MYO1H: variants seen among roughly 807,000 people sequenced by gnomAD.
MYO1H encodes unconventional myosin-Ih.
MYO1H carries 118 observed loss-of-function variants against 149.3 expected under a neutral mutation model. That is an observed-to-expected ratio of 0.79 (90% confidence interval 0.68 to 0.92). The LOEUF (loss-of-function observed/expected upper bound fraction) is 0.92, where lower values mean the gene tolerates loss of function less well. Ranked by LOEUF, MYO1H falls within the 40% of genes least tolerant of loss-of-function variation. The pLI, the probability that MYO1H is intolerant of heterozygous loss-of-function variation, is 0.00. For missense variants in MYO1H, 1,212 were observed against 1,280.7 expected (o/e 0.95, Z 0.82); for synonymous variants, 447 against 465.2 (o/e 0.96, Z 0.50).
intron 1 of MYO1H, among the ~76,000 whole-genome samples, chr12:109,368,227 A>T (rs1868909042): frequency 6.6e-6 from 1 of 152,256 alleles, no homozygotes. Flanking sequence ...CAAGGACAGG[A>T]ATATCTTTCT....
chr12:109,384,052 C>G (rs760404361), intron 1 of MYO1H, among the ~76,000 whole-genome samples: 1 of 152,216 alleles, frequency 6.6e-6, no homozygotes, highest in African/African-American at 2.4e-5. Context: ...TACGACAGGA[C>G]TGGGTATGTA....
At chr12:109,361,960 G>A (rs1454054322) in intron 1 of MYO1H, among the ~76,000 whole-genome samples, 3 of 152,134 alleles carry the variant, frequency 2.0e-5, no homozygotes, top group African/African-American at 7.2e-5. Flanking sequence ...AATTGAGTCA[G>A]TAACAGAAAA....
exon 2 of MYO1H, chr12:109,388,810 A>G (rs1869505963): frequency 1.2e-6 from 2 of 1,612,054 alleles, no homozygotes; most frequent in Non-Finnish European, 1.7e-6. Flanking sequence ...TTTGTCGACA[A>G]CCTCCGCAAG....
At chr12:109,363,575 G>A (rs968554732) in intron 1 of MYO1H, among the ~76,000 whole-genome samples, 13 of 152,172 alleles carry the variant, frequency 8.5e-5, no homozygotes, top group Admixed American at 2.0e-4. Context: ...AGCTGCGTAC[G>A]GTGGTGCATG....
the MYO1H span, among the ~76,000 whole-genome samples, chr12:109,339,290 G>A: frequency 1.3e-5 from 2 of 152,094 alleles, no homozygotes; most frequent in Non-Finnish European, 2.9e-5. Flanking sequence ...GCTTGAATGC[G>A]GAAGGTGGAG....
chr12:109,320,949 A>G, the MYO1H span, among the ~76,000 whole-genome samples: 1 of 150,712 alleles, frequency 6.6e-6, no homozygotes, highest in Admixed American at 6.6e-5. Context: ...TTAGCTGGGC[A>G]TGGCGGCGGG....
chr12:109,356,306 A>G (rs1321262087), intron 1 of MYO1H, among the ~76,000 whole-genome samples: 3 of 152,186 alleles, frequency 2.0e-5, no homozygotes, highest in Non-Finnish European at 4.4e-5. Context: ...AGACCATGAA[A>G]TATCTTTTGT....
chr12:109,437,916 C>A (rs923936845), intron 22 of MYO1H, among the ~76,000 whole-genome samples: 1 of 150,644 alleles, frequency 6.6e-6, no homozygotes. Flanking sequence ...GGCGAAACCC[C>A]GTCTCTACTA....
At position 109,396,336 on chromosome 12, in the gene MYO1H, GGGAA is replaced by G. The variant is rs917612852; in HGVS notation, c.291-46_291-43del. 11 of 1,506,098 alleles carry G rather than the reference GGGAA, an allele frequency of 7.3e-6. No individual in the cohort carries two copies. In the African/African-American group the frequency reaches 1.4e-4, roughly 19 times the overall value. The allele number at this position is 1,506,098 out of a possible 1,614,324, so 93.3% of individuals were successfully genotyped here. A position where few individuals can be genotyped will look rare whatever the true frequency, so the allele number is the denominator to read the frequency against. The stretch of plus-strand genomic sequence containing the variant: ...CTTCTTTGGTGGGTGTCAGAGTCAA[GGGAA>G]GTACCATTAAAACGAATTTGTTTCC... On this transcript the variant is annotated intron_variant, in intron 3 of 31. Coordinates refer to ENST00000310903, the Ensembl canonical transcript of MYO1H.
At chr12:109,380,881 G>A (rs1009290277) in intron 1 of MYO1H, among the ~76,000 whole-genome samples, 3 of 152,196 alleles carry the variant, frequency 2.0e-5, no homozygotes, top group African/African-American at 4.8e-5. Flanking sequence ...GGGAGGCAGA[G>A]GTTGCAGAGA....
intron 1 of MYO1H, among the ~76,000 whole-genome samples, chr12:109,355,525 C>T (rs991189088): frequency 6.6e-6 from 1 of 152,052 alleles, no homozygotes; most frequent in Admixed American, 6.6e-5. Context: ...TAGAAATTAT[C>T]TACGATACCT....
At chr12:109,343,603 C>T (rs2048093399), upstream of MYO1H, among the ~76,000 whole-genome samples, 1 of 152,116 alleles carries the variant, frequency 6.6e-6, no homozygotes, top group Non-Finnish European at 1.5e-5. Context: ...ACTGGAGATA[C>T]TTTAACAGAA....
chr12:109,433,985 C>T (rs1415923610), intron 20 of MYO1H, among the ~76,000 whole-genome samples: 2 of 152,136 alleles, frequency 1.3e-5, no homozygotes, highest in African/African-American at 4.8e-5. Flanking sequence ...GTATTTGTAA[C>T]TTCTCTCTGC....
rs560495907 is a variant in MYO1H, at chr12:109,414,825, G to A, written c.1503-701G>A. Among the ~76,000 whole-genome samples, 21 of 151,858 alleles carry A rather than the reference G, an allele frequency of 1.4e-4. No individual in the cohort carries two copies. The East Asian group carries it at 3.7e-3, about 27-fold the overall frequency. Reference sequence around the variant, plus strand: ...TGGGCTCAAGCAATCCTCCCACCTCGGCCTCCTGAGTAGCTGGGACTACAA... The same window carrying A: ...TGGGCTCAAGCAATCCTCCCACCTCAGCCTCCTGAGTAGCTGGGACTACAA... On this transcript the variant is annotated intron_variant, in intron 14 of 31. Coordinates refer to ENST00000310903, the Ensembl canonical transcript of MYO1H.
upstream of MYO1H, among the ~76,000 whole-genome samples, chr12:109,343,756 G>A (rs1244348510): frequency 1.3e-5 from 2 of 152,184 alleles, no homozygotes; most frequent in African/African-American, 4.8e-5. Context: ...AAAGAACATA[G>A]AAGACGTTAT....
intron 19 of MYO1H, among the ~76,000 whole-genome samples, chr12:109,427,908 A>T (rs1871436644): frequency 1.7e-5 from 1 of 59,644 alleles, no homozygotes; most frequent in African/African-American, 7.0e-5. Context: ...AAAAAAAAAA[A>T]AATATATATA....
At chr12:109,350,617 C>T (rs914076863) in intron 1 of MYO1H, among the ~76,000 whole-genome samples, 1 of 152,082 alleles carries the variant, frequency 6.6e-6, no homozygotes, top group African/African-American at 2.4e-5. Context: ...AGCGTGAAAA[C>T]GAACTAATAA....
intron 14 of MYO1H, 106 bp from the exon 15 acceptor site, chr12:109,415,420 G>A: frequency 9.8e-7 from 1 of 1,021,816 alleles, no homozygotes; most frequent in Non-Finnish European, 1.4e-6. Context: ...AGGTTGCCGT[G>A]AGCCAAGATT....
At chr12:109,378,684 C>T (rs1396794088) in intron 1 of MYO1H, among the ~76,000 whole-genome samples, 1 of 152,084 alleles carries the variant, frequency 6.6e-6, no homozygotes, top group Non-Finnish European at 1.5e-5. Context: ...CTTGCCAACA[C>T]TTATTATCTG....
Sources: gnomAD v4.1 joint callset for allele counts (sites outside exome capture counted in the v4.1 genomes callset) on GRCh38, gnomAD v4.1.1 for gene constraint, MANE v1.5 for transcripts, NCBI Gene and HGNC (gene_info 2026-07-23, HGNC 2026-07-21) for gene names.